Variants in EXO1 observed in about 807,000 individuals in gnomAD.
EXO1 encodes the protein exonuclease 1.
EXO1 carries 69 observed loss-of-function variants against 84.5 expected under a neutral mutation model. The ratio of observed to expected loss-of-function variants is 0.82; its 90% CI spans 0.67 to 1.00. EXO1 has a LOEUF of 1.00. Among genes scored for constraint, EXO1 ranks in the 50% least tolerant of loss-of-function variants. The pLI is 0.00. For synonymous variants in EXO1, 373 were observed against 366.1 expected (o/e 1.02, Z -0.21); for missense variants, 1,045 against 1,000.7 (o/e 1.04, Z -0.60).
Position 241,879,041 on chromosome 1 carries a change from G to A in EXO1, c.1807G>A (p.Gly603Arg), listed in dbSNP as rs1662576610. The A allele has an allele frequency of 5.0e-6, 8 of 1,614,188 alleles. No homozygotes were observed. Among genetic ancestry groups the A allele is most frequent in the South Asian group, 1.1e-5 (1 of 91,088 alleles). The change falls in exon 13 of 16, where the codon GGA becomes AGA. Residue 603 changes from glycine to arginine, a missense_variant. Transcript: ENST00000366548. ...AAGGACCATTTCACCACCCACTTTG[G>A]GAACACTAAGAAGTTGTTTTAGTTG... ...FTRTISPPTLGTLRSCFSWSG... is the reference protein window; with the variant it reads ...FTRTISPPTLRTLRSCFSWSG...
chr1:241,865,559 C>G (rs1436871787), intron 10 of EXO1, among the ~76,000 whole-genome samples: 1 of 152,074 alleles, frequency 6.6e-6, no homozygotes, highest in African/African-American at 2.4e-5. Flanking sequence ...GTCTCAGAAA[C>G]TCAAAAATAG....
rs2148559590 is a variant in EXO1, at chr1:241,889,731, T to C, written c.*131T>C. ...TGCCATTTTAAAAATAGAATACATTTTGTATATTAACTTTATAATTGGGTT... is the reference window on the plus strand; with the variant it reads ...TGCCATTTTAAAAATAGAATACATTCTGTATATTAACTTTATAATTGGGTT... On this transcript the variant is annotated 3_prime_UTR_variant, in exon 16 of 16. Coordinates refer to ENST00000366548, the MANE Select transcript of EXO1 (RefSeq NM_130398.4). 2.2e-6 allele frequency: 2 copies of C among 894,390 alleles called. No individual in the cohort carries two copies. Among genetic ancestry groups the C allele is most frequent in the Admixed American group, 1.8e-5 (1 of 54,732 alleles). The allele number at this position is 894,390 out of a possible 1,614,324, so 55.4% of individuals were successfully genotyped here.
intron 8 of EXO1, 90 bp from the exon 9 acceptor site, chr1:241,860,427 C>T (rs1319489712): frequency 2.0e-6 from 2 of 1,021,880 alleles, no homozygotes; most frequent in Non-Finnish European, 3.1e-6. Context: ...TGTTTCAATC[C>T]CTCTTTATGA....
intron 12 of EXO1, among the ~76,000 whole-genome samples, chr1:241,874,122 G>A (rs546835984): frequency 3.9e-5 from 6 of 152,158 alleles, no homozygotes; most frequent in South Asian, 2.1e-4. Flanking sequence ...GAGGGTCGCC[G>A]GGCACGATGG....
chr1:241,865,181 A>G (rs1242328641), intron 10 of EXO1, among the ~76,000 whole-genome samples: 4 of 147,366 alleles, frequency 2.7e-5, no homozygotes, highest in Non-Finnish European at 6.0e-5. Flanking sequence ...ACAGCATTAT[A>G]TATATATATA....
At chr1:241,863,729 T>G (rs550322298) in intron 10 of EXO1, among the ~76,000 whole-genome samples, 2 of 152,330 alleles carry the variant, frequency 1.3e-5, no homozygotes, top group South Asian at 4.1e-4. Flanking sequence ...TCCCCTATTT[T>G]CTAACCTTGC....
chr1:241,852,256 A>G (rs1482102282), intron 4 of EXO1, 36 bp from the exon 5 acceptor site: 1 of 1,582,070 alleles, frequency 6.3e-7, no homozygotes. Flanking sequence ...ACCTTAAGAA[A>G]GGTGAAGCAC....
intron 6 of EXO1, among the ~76,000 whole-genome samples, chr1:241,855,760 C>T (rs899167851): frequency 1.3e-5 from 2 of 152,244 alleles, no homozygotes; most frequent in African/African-American, 2.4e-5. Context: ...AGAAATAGAG[C>T]GCAGCGCCGG....
Position 241,879,078 on chromosome 1 carries a change from T to C in EXO1, c.1844T>C (p.Leu615Pro). The C allele has an allele frequency of 6.2e-7, 1 of 1,614,112 alleles. No individual in the cohort carries two copies. Among genetic ancestry groups the C allele is most frequent in the Non-Finnish European group, 8.5e-7 (1 of 1,179,956 alleles). ...LRSCFSWSGG[L>P]GDFSRTPSPS... ...AGTTGTTTTAGTTGGTCTGGAGGTC[T>C]TGGAGATTTTTCAAGAACGCCGAGC... Residue 615 changes from leucine to proline, a missense_variant, in exon 13 of 16, where the codon CTT becomes CCT. Transcript: ENST00000366548.
intron 6 of EXO1, among the ~76,000 whole-genome samples, chr1:241,855,928 G>C (rs944561785): frequency 6.6e-6 from 1 of 152,164 alleles, no homozygotes; most frequent in Non-Finnish European, 1.5e-5. Context: ...CGCAAGCACC[G>C]CGCGCAGCCC....
chr1:241,878,390 A>G (rs1302667963), intron 12 of EXO1, among the ~76,000 whole-genome samples: 1 of 151,766 alleles, frequency 6.6e-6, no homozygotes, highest in Non-Finnish European at 1.5e-5. Context: ...CCACCTACTC[A>G]GGAGGCTGAG....
rs934211835 is a variant in EXO1, at chr1:241,848,523, T to G, written c.-420+170T>G. On this transcript the variant is annotated intron_variant, in intron 1 of 15. Coordinates refer to ENST00000366548, the MANE Select transcript of EXO1 (RefSeq NM_130398.4). This position sits in a 1 kb window ranked among gnomAD's most constrained non-coding sequence, Gnocchi z 4.2. ...GAGCCCTTAGCCTGAGTGGAGTATGTGTTTTGTTCCGAGGGGACGTCTGGC... is the reference window on the plus strand; with the variant it reads ...GAGCCCTTAGCCTGAGTGGAGTATGGGTTTTGTTCCGAGGGGACGTCTGGC... Among the ~76,000 whole-genome samples the G allele has an allele frequency of 6.6e-6, 1 of 151,862 alleles. No homozygotes were observed. The highest frequency in any genetic ancestry group is 2.4e-5 in the African/African-American group (1 of 41,338).
chr1:241,855,893 C>T (rs571942570), intron 6 of EXO1, among the ~76,000 whole-genome samples: 1 of 152,220 alleles, frequency 6.6e-6, no homozygotes, highest in African/African-American at 2.4e-5. Context: ...GCCAAGCCCA[C>T]GCCCACCCGG....
Position 241,885,569 on chromosome 1 carries a change from C to T in EXO1, c.2405+62C>T, listed in dbSNP as rs766399803. 3 of 1,249,444 alleles carry T rather than the reference C, an allele frequency of 2.4e-6. No homozygotes were observed. In the African/African-American group the frequency reaches 4.4e-5, roughly 18 times the overall value. The allele number at this position is 1,249,444 out of a possible 1,614,324, so 77.4% of individuals were successfully genotyped here. On this transcript the variant is annotated intron_variant, in intron 15 of 15. Coordinates refer to ENST00000366548, the MANE Select transcript of EXO1 (RefSeq NM_130398.4). ...ACTGTTATTTTCTGTAATTTCCATC[C>T]CTTTCTCCCAACTCTTCCTAGTTTC...
intron 13 of EXO1, 53 bp downstream of exon 13, chr1:241,879,396 G>C (rs1662611561): frequency 1.8e-6 from 2 of 1,104,350 alleles, no homozygotes; most frequent in Non-Finnish European, 1.3e-6. Flanking sequence ...AGAAAAAATA[G>C]ATTGTTGCTC....
chr1:241,860,453 C>A, intron 8 of EXO1, 64 bp from the exon 9 acceptor site: 1 of 1,241,428 alleles, frequency 8.1e-7, no homozygotes, highest in Non-Finnish European at 1.2e-6. Context: ...AATCAATCAG[C>A]CTTGAGGATA....
At chr1:241,856,005 C>G (rs962488671) in intron 6 of EXO1, among the ~76,000 whole-genome samples, 1 of 152,200 alleles carries the variant, frequency 6.6e-6, no homozygotes. Context: ...CCGGCCTTGG[C>G]CAGCCCAGAA....
Position 241,872,173 on chromosome 1 carries a change from A to T in EXO1, c.1409A>T (p.Lys470Ile), listed in dbSNP as rs745374205. Residue 470 changes from lysine to isoleucine, a missense_variant, in exon 12 of 16, where the codon AAA becomes ATA. Coordinates refer to ENST00000366548, the MANE Select transcript of EXO1 (RefSeq NM_130398.4). ...GACCTGGTAAATGGACCTACTAACA[A>T]AAAGAGTGTAAGCACTCCACCTAGG... ...VPDLVNGPTN[K>I]KSVSTPPRTR... is the part of the protein sequence containing the mutation. The T allele has an allele frequency of 6.2e-7, 1 of 1,614,058 alleles. No individual in the cohort carries two copies. The highest frequency in any genetic ancestry group is 8.5e-7 in the Non-Finnish European group (1 of 1,179,978).
At position 241,860,593 on chromosome 1, in the gene EXO1, C is replaced by T. The variant is rs1240263831; in HGVS notation, c.833C>T (p.Ala278Val). 1 of 1,613,714 alleles carries T rather than the reference C, an allele frequency of 6.2e-7. No individual in the cohort carries two copies. The highest frequency in any genetic ancestry group is 2.2e-5 in the East Asian group (1 of 44,866). ...PEDYINGFIR[A>V]NNTFLYQLVF... ...GATTACATCAACGGGTTTATTCGGG[C>T]CAACAATACCTTCCTCTATCAGCTA... Residue 278 changes from alanine to valine, a missense_variant, in exon 9 of 16, where the codon GCC becomes GTC. Physicochemically the swap from Ala to Val is moderately conservative, Grantham distance 64 (BLOSUM62 0). Transcript: ENST00000366548.
Sources: allele counts gnomAD v4.1 joint callset (sites outside exome capture counted in the v4.1 genomes callset), GRCh38; gene constraint gnomAD v4.1.1; non-coding constraint Gnocchi (gnomAD v3.1); transcripts MANE v1.5; gene names NCBI Gene and HGNC (gene_info 2026-07-23, HGNC 2026-07-21).